MAMDC2: variants seen among roughly 807,000 people sequenced by gnomAD.
The protein encoded by MAMDC2 is MAM domain containing 2, also known as MAM domain-containing protein 2.
In MAMDC2, 57 loss-of-function variants were observed where a neutral mutation model predicts 89.8. The ratio of observed to expected loss-of-function variants is 0.63; its 90% CI spans 0.51 to 0.79. The LOEUF (loss-of-function observed/expected upper bound fraction) is 0.79. MAMDC2 is among the 30% of genes least tolerant of loss of function. The pLI is 0.00. For synonymous variants in MAMDC2, 313 were observed against 293.4 expected (o/e 1.07, Z -0.68); for missense variants, 800 against 820.6 (o/e 0.97, Z 0.31).
intron 2 of MAMDC2, among the ~76,000 whole-genome samples, chr9:70,047,889 T>C (rs977356859): frequency 2.6e-5 from 4 of 152,066 alleles, no homozygotes; most frequent in Non-Finnish European, 5.9e-5. Flanking sequence ...TGATTTACAG[T>C]ATTAAGTCCC....
chr9:70,110,132 G>C (rs1828469067), intron 4 of MAMDC2, among the ~76,000 whole-genome samples: 1 of 152,162 alleles, frequency 6.6e-6, no homozygotes, highest in Non-Finnish European at 1.5e-5. Context: ...GCTTTTTGTA[G>C]CATGTGCCAG....
intron 9 of MAMDC2, among the ~76,000 whole-genome samples, chr9:70,151,922 G>T (rs117409605): frequency 0.013 from 1,970 of 152,248 alleles, 21 homozygotes; most frequent in Non-Finnish European, 0.021. Context: ...AGCATGTCAG[G>T]TGTGTTCTTG....
intron 11 of MAMDC2, among the ~76,000 whole-genome samples, chr9:70,185,635 T>C (rs1216764961): frequency 2.6e-5 from 4 of 152,168 alleles, no homozygotes; most frequent in African/African-American, 7.2e-5. Flanking sequence ...TGCCACACTG[T>C]GGTGAGTTCT....
At chr9:70,196,460 C>A (rs2032976924) in intron 11 of MAMDC2, among the ~76,000 whole-genome samples, 1 of 152,016 alleles carries the variant, frequency 6.6e-6, no homozygotes, top group Non-Finnish European at 1.5e-5. Flanking sequence ...AATGTTGCAA[C>A]AGAAAGCATT....
intron 5 of MAMDC2, among the ~76,000 whole-genome samples, chr9:70,114,890 T>A (rs1431876413): frequency 6.6e-6 from 1 of 152,180 alleles, no homozygotes; most frequent in Non-Finnish European, 1.5e-5. Context: ...GGTCCCTCAC[T>A]GCTTGGATGT....
chr9:70,055,849 C>G (rs1041869773), intron 2 of MAMDC2, among the ~76,000 whole-genome samples: 1 of 152,190 alleles, frequency 6.6e-6, no homozygotes, highest in African/African-American at 2.4e-5. Flanking sequence ...TATTCCTAAA[C>G]TTCAAGTTCA....
At chr9:70,215,383 A>G (rs186763722) in intron 11 of MAMDC2, among the ~76,000 whole-genome samples, 12 of 152,344 alleles carry the variant, frequency 7.9e-5, no homozygotes, top group Non-Finnish European at 1.2e-4. Flanking sequence ...ATCATGGGAA[A>G]GTTGGCAGCT....
At chr9:70,077,081 G>A (rs1827548438) in intron 2 of MAMDC2, among the ~76,000 whole-genome samples, 1 of 152,196 alleles carries the variant, frequency 6.6e-6, no homozygotes, top group African/African-American at 2.4e-5. Context: ...TTAGCACAAT[G>A]AAAACCCTGT....
intron 11 of MAMDC2, among the ~76,000 whole-genome samples, chr9:70,173,128 G>C (rs1005297282): frequency 6.6e-6 from 1 of 151,918 alleles, no homozygotes; most frequent in Admixed American, 6.6e-5. Context: ...TTCTGGGTGG[G>C]CTCCAATCTA....
chr9:70,086,892 A>G (rs1262452001), intron 2 of MAMDC2: 1 of 152,162 alleles, frequency 6.6e-6, no homozygotes. Context: ...AACCTGGTAT[A>G]TGATATAGAT....
At chr9:70,217,173 C>A (rs1011332551) in intron 11 of MAMDC2, 2 of 678,622 alleles carry the variant, frequency 2.9e-6, no homozygotes, top group Admixed American at 2.3e-5. Flanking sequence ...GCCATCTTTT[C>A]TCTTCCCGTG....
chr9:70,212,691 G>A (rs755870648), intron 11 of MAMDC2, among the ~76,000 whole-genome samples: 11 of 152,100 alleles, frequency 7.2e-5, no homozygotes, highest in Non-Finnish European at 1.2e-4. Flanking sequence ...GAAATCACCC[G>A]TCTTCTGCGT....
chr9:70,214,569 T>C (rs1002413526), intron 11 of MAMDC2, among the ~76,000 whole-genome samples: 4 of 152,200 alleles, frequency 2.6e-5, no homozygotes, highest in African/African-American at 9.7e-5. Flanking sequence ...AAATGAGTGG[T>C]ATGATTTTGC....
chr9:70,099,595 T>C (rs1003609006), intron 2 of MAMDC2, among the ~76,000 whole-genome samples: 7 of 152,124 alleles, frequency 4.6e-5, no homozygotes, highest in South Asian at 2.1e-4. Context: ...GACATGCCCA[T>C]AGCAGTAGAG....
chr9:70,106,240 G>T (rs1008986125), intron 2 of MAMDC2, among the ~76,000 whole-genome samples: 1 of 152,152 alleles, frequency 6.6e-6, no homozygotes, highest in African/African-American at 2.4e-5. Flanking sequence ...GAGAAAAGGG[G>T]AGGCTGGGGA....
At chr9:70,163,425 G>A (rs981993153) in intron 9 of MAMDC2, among the ~76,000 whole-genome samples, 10 of 151,686 alleles carry the variant, frequency 6.6e-5, no homozygotes, top group African/African-American at 1.9e-4. Context: ...ACAAGGTTTC[G>A]CAATGTTGGC....
At chr9:70,183,691 T>G (rs1236216641) in intron 11 of MAMDC2, among the ~76,000 whole-genome samples, 1 of 152,162 alleles carries the variant, frequency 6.6e-6, no homozygotes, top group African/African-American at 2.4e-5. Flanking sequence ...TCTCTTTGCA[T>G]TTGCTTGGTA....
intron 2 of MAMDC2, chr9:70,086,071 A>C: frequency 6.6e-6 from 1 of 152,066 alleles, no homozygotes; most frequent in East Asian, 1.9e-4. Flanking sequence ...TAGTTGAAAT[A>C]AAGAAAAGAA....
intron 3 of MAMDC2, 74 bp from the exon 4 acceptor site, chr9:70,109,646 A>G (rs1828446119): frequency 8.0e-7 from 1 of 1,243,930 alleles, no homozygotes; most frequent in South Asian, 1.2e-5. Context: ...CTCCAGACTA[A>G]TAGCTGAAAT....
Sources: gnomAD v4.1 joint callset for allele counts (sites outside exome capture counted in the v4.1 genomes callset) on GRCh38, gnomAD v4.1.1 for gene constraint, MANE v1.5 for transcripts, NCBI Gene and HGNC (gene_info 2026-07-23, HGNC 2026-07-21) for gene names.